The following RBFOX1 variants were observed in gnomAD, a reference collection of about 807,000 sequenced individuals.
RBFOX1 encodes RNA binding protein fox-1 homolog 1.
Under a neutral mutation model 57.7 loss-of-function variants are expected in RBFOX1, and 8 were observed. That is an observed-to-expected ratio of 0.14 (90% CI 0.08 to 0.25). RBFOX1 has a LOEUF of 0.25. Among genes scored for constraint, RBFOX1 ranks in the 10% least tolerant of loss-of-function variants. The probability of loss-of-function intolerance (pLI) is 1.00; values close to 1 mark genes in which losing one functional copy is unlikely to be tolerated. For missense variants in RBFOX1, 611 were observed against 548.5 expected, an observed-to-expected ratio of 1.11 and a Z score of -1.14; for synonymous variants, 326 against 222.4, an observed-to-expected ratio of 1.47 and a Z score of -4.15.
At chr16:5,488,668 T>C (rs989880382) in intron 2 of RBFOX1, among the ~76,000 whole-genome samples, 2 of 142,990 alleles carry the variant, frequency 1.4e-5, no homozygotes, top group Non-Finnish European at 3.0e-5. Context: ...TGGGAGATGA[T>C]GGTGATGGAA....
At chr16:5,822,307 A>C (rs1352324907) in intron 3 of RBFOX1, among the ~76,000 whole-genome samples, 1 of 152,220 alleles carries the variant, frequency 6.6e-6, no homozygotes, top group Admixed American at 6.5e-5. Flanking sequence ...GGCAAGGGAT[A>C]AAAGACAACA....
At chr16:5,559,411 TA>T (rs1388795917) in intron 2 of RBFOX1, among the ~76,000 whole-genome samples, 2 of 152,160 alleles carry the variant, frequency 1.3e-5, no homozygotes, top group African/African-American at 4.8e-5. Context: ...TGGCAGCTAA[TA>T]GGCTAATACA....
chr16:6,434,387 G>A (rs903174431), intron 2 of RBFOX1, among the ~76,000 whole-genome samples: 36 of 151,922 alleles, frequency 2.4e-4, no homozygotes, highest in African/African-American at 8.0e-4. Flanking sequence ...TCCTCTTCTC[G>A]ATGGCCATGA....
chr16:7,143,409 G>T (rs1050780063), intron 4 of RBFOX1, among the ~76,000 whole-genome samples: 3 of 152,052 alleles, frequency 2.0e-5, no homozygotes, highest in African/African-American at 7.2e-5. Flanking sequence ...TGGGGTGTGA[G>T]ATTTCTTTAT....
At position 6,120,736 on chromosome 16, in the gene RBFOX1, C is replaced by G. The variant is rs899100963; in HGVS notation, c.-127+100744C>G. Among the ~76,000 whole-genome samples the G allele has an allele frequency of 3.3e-5, 5 of 152,256 alleles. No individual in the cohort carries two copies. In the East Asian group the frequency reaches 9.6e-4, roughly 29 times the overall value. ...TGCTTGTGGCTCTGAATTCAGATGT[C>G]TGAGTAACCTTTTAGCAACTCAGAT... On this transcript the variant is annotated intron_variant, in intron 1 of 15. Coordinates refer to ENST00000550418, the MANE Select transcript of RBFOX1 (RefSeq NM_018723.4).
chr16:7,302,648 A>C (rs1011371265), intron 4 of RBFOX1, among the ~76,000 whole-genome samples: 6 of 151,826 alleles, frequency 4.0e-5, no homozygotes, highest in Non-Finnish European at 1.5e-5. Flanking sequence ...AAAAAAAAAA[A>C]GAAAATCCAA....
At chr16:6,903,047 C>T (rs2068864218) in intron 3 of RBFOX1, among the ~76,000 whole-genome samples, 1 of 152,094 alleles carries the variant, frequency 6.6e-6, no homozygotes, top group South Asian at 2.1e-4. Flanking sequence ...TGAAGTGAAA[C>T]AAGGTTTTGT....
At chr16:6,902,389 A>G (rs1294384404) in intron 3 of RBFOX1, among the ~76,000 whole-genome samples, 2 of 152,226 alleles carry the variant, frequency 1.3e-5, no homozygotes, top group Non-Finnish European at 2.9e-5. Context: ...GGAGCTATCA[A>G]GAGGAAAGTC....
chr16:7,194,650 A>G (rs2086237862), intron 4 of RBFOX1, among the ~76,000 whole-genome samples: 2 of 152,190 alleles, frequency 1.3e-5, no homozygotes, highest in African/African-American at 4.8e-5. Flanking sequence ...AATTTAGCCC[A>G]GGCACAGTGG....
intron 3 of RBFOX1, among the ~76,000 whole-genome samples, chr16:6,708,047 G>A (rs567754401): frequency 5.9e-5 from 9 of 152,182 alleles, no homozygotes; most frequent in African/African-American, 9.6e-5. Context: ...CTTTTCCATC[G>A]TCTTTCCCCT....
chr16:5,727,399 C>T (rs551560104), intron 3 of RBFOX1, among the ~76,000 whole-genome samples: 16 of 152,242 alleles, frequency 1.1e-4, no homozygotes, highest in African/African-American at 3.9e-4. Flanking sequence ...TTAAGGTGTA[C>T]GATGTGATGC....
intron 3 of RBFOX1, among the ~76,000 whole-genome samples, chr16:6,660,368 C>T (rs1256479878): frequency 6.6e-6 from 1 of 152,246 alleles, no homozygotes; most frequent in Non-Finnish European, 1.5e-5. Flanking sequence ...AACAAACCTG[C>T]ACATCCCGCA....
chr16:5,520,680 G>T (rs891640513), intron 2 of RBFOX1, among the ~76,000 whole-genome samples: 1 of 152,180 alleles, frequency 6.6e-6, no homozygotes, highest in African/African-American at 2.4e-5. Context: ...GACTGTATAT[G>T]CTCGTCTCAC....
chr16:6,727,955 G>A (rs977612442), intron 3 of RBFOX1, among the ~76,000 whole-genome samples: 1 of 152,040 alleles, frequency 6.6e-6, no homozygotes, highest in Admixed American at 6.6e-5. Flanking sequence ...AGAGATGAAG[G>A]GAAGAAAATT....
Position 5,798,585 on chromosome 16 carries a change from A to G in RBFOX1, c.319-68718A>G, listed in dbSNP as rs560524888. 5.9e-5 allele frequency among the ~76,000 whole-genome samples: 9 copies of G among 152,336 alleles called. No individual in the cohort carries two copies. The East Asian group carries it at 1.7e-3, about 29-fold the overall frequency. ...ATCTGCGCTAAATGATTGTTAGGGCAACAGGAACTGGACGTTGGGTCTTGT... is the reference window on the plus strand; with the variant it reads ...ATCTGCGCTAAATGATTGTTAGGGCGACAGGAACTGGACGTTGGGTCTTGT... On this transcript the variant is annotated intron_variant, in intron 3 of 19. Coordinates refer to the RBFOX1 transcript ENST00000641259.
chr16:7,573,326 A>G (rs1312073637), intron 5 of RBFOX1, among the ~76,000 whole-genome samples: 1 of 152,118 alleles, frequency 6.6e-6, no homozygotes, highest in African/African-American at 2.4e-5. Context: ...AGAACACTGA[A>G]CCTTATAGAC....
At chr16:7,304,058 C>A (rs1331840487) in intron 4 of RBFOX1, 1 of 338,754 alleles carries the variant, frequency 3.0e-6, no homozygotes, top group African/African-American at 2.2e-5. Context: ...CGAAGGGAAC[C>A]AACTAGTTTC....
chr16:6,716,717 T>G (rs981295946), intron 3 of RBFOX1, among the ~76,000 whole-genome samples: 1 of 152,174 alleles, frequency 6.6e-6, no homozygotes, highest in African/African-American at 2.4e-5. Flanking sequence ...GGTTCACCAG[T>G]GGGCATGTAA....
chr16:5,675,171 G>A (rs1447544993), intron 3 of RBFOX1, among the ~76,000 whole-genome samples: 1 of 151,870 alleles, frequency 6.6e-6, no homozygotes, highest in East Asian at 1.9e-4. Context: ...GTATAGATAT[G>A]AATATACACT....
Sources: gnomAD v4.1 joint callset for allele counts (sites outside exome capture counted in the v4.1 genomes callset) on GRCh38, gnomAD v4.1.1 for gene constraint, MANE v1.5 for transcripts, NCBI Gene and HGNC (gene_info 2026-07-23, HGNC 2026-07-21) for gene names.